WDR25: variants seen among roughly 807,000 people sequenced by gnomAD.
WDR25 encodes WD repeat domain 25, also known as WD repeat-containing protein 25.
A neutral mutation model predicts 47.7 loss-of-function variants in WDR25; 35 were observed. The ratio of observed to expected loss-of-function variants is 0.73; its 90% CI spans 0.56 to 0.97. The LOEUF (loss-of-function observed/expected upper bound fraction) is 0.97, where lower values mean the gene tolerates loss of function less well. Among genes scored for constraint, WDR25 ranks in the 50% least tolerant of loss-of-function variants. WDR25 has a pLI of 0.00. For synonymous variants in WDR25, 248 were observed against 278.9 expected (o/e 0.89, Z 1.10); for missense variants, 634 against 704.7 (o/e 0.90, Z 1.14).
At chr14:100,391,961 A>G (rs1265347702) in intron 2 of WDR25, among the ~76,000 whole-genome samples, 1 of 152,244 alleles carries the variant, frequency 6.6e-6, no homozygotes, top group African/African-American at 2.4e-5. Flanking sequence ...TTGAGAACCC[A>G]GCTGTCTTGT....
intron 2 of WDR25, among the ~76,000 whole-genome samples, chr14:100,466,125 A>G (rs935834647): frequency 2.6e-5 from 4 of 152,118 alleles, no homozygotes; most frequent in African/African-American, 9.7e-5. Flanking sequence ...TTCTTATTCC[A>G]CTTTGAAGTC....
chr14:100,449,025 G>A lies in WDR25; in HGVS notation c.823-18996G>A, dbSNP rs574654519. ...TAGAAAGTGGCGTGCAAGGACGATC[G>A]TGATGGGAGATGAGGCTGGGCAGGT... On this transcript the variant is annotated intron_variant, in intron 2 of 6. Coordinates refer to ENST00000402312, the MANE Select transcript of WDR25 (RefSeq NM_001161476.3). This position sits in a 1 kb window ranked among gnomAD's most constrained non-coding sequence, Gnocchi z 4.2. Among the ~76,000 whole-genome samples, 24 of 152,204 alleles carry A rather than the reference G, an allele frequency of 1.6e-4. No individual in the cohort carries two copies. The highest frequency in any genetic ancestry group is 1.0e-3 in the South Asian group (5 of 4,818).
chr14:100,467,045 T>C (rs1167512400), intron 2 of WDR25, among the ~76,000 whole-genome samples: 1 of 152,232 alleles, frequency 6.6e-6, no homozygotes, highest in Non-Finnish European at 1.5e-5. Flanking sequence ...CAGAAGTCAT[T>C]GAGTGTAACA....
chr14:100,520,953 T>C (rs2029870492), intron 4 of WDR25, among the ~76,000 whole-genome samples: 1 of 152,170 alleles, frequency 6.6e-6, no homozygotes, highest in Admixed American at 6.5e-5. Flanking sequence ...AATCAATACA[T>C]GGTTAATTTT....
At chr14:100,528,520 C>T (rs2030303262) in intron 5 of WDR25, among the ~76,000 whole-genome samples, 1 of 151,840 alleles carries the variant, frequency 6.6e-6, no homozygotes, top group Non-Finnish European at 1.5e-5. Flanking sequence ...ATCCGCCCGC[C>T]TCAGCATCCC....
chr14:100,439,346 A>G lies in WDR25; in HGVS notation c.823-28675A>G, dbSNP rs545544690. On this transcript the variant is annotated intron_variant, in intron 2 of 6. Transcript: ENST00000402312. ...TGCTTCAGCCCCCGGACTCCTGTGC[A>G]TCACAGAGCTGATTCAGTGCAGACA... Among the ~76,000 whole-genome samples, 8 of 152,334 alleles carry G rather than the reference A, an allele frequency of 5.3e-5. No homozygotes were observed. In the South Asian group the frequency reaches 1.7e-3, roughly 32 times the overall value.
rs916551836 is a variant in WDR25, at chr14:100,449,418, G to A, written c.823-18603G>A. On this transcript the variant is annotated intron_variant, in intron 2 of 6. Transcript: ENST00000402312. This position sits in a 1 kb window ranked among gnomAD's most constrained non-coding sequence, Gnocchi z 4.2. ...CGGTTGCCATGGCAGCAGGACATGAGCAACCTGACTTTCTGAGAGTGGTCA... is the reference window on the plus strand; with the variant it reads ...CGGTTGCCATGGCAGCAGGACATGAACAACCTGACTTTCTGAGAGTGGTCA... Among the ~76,000 whole-genome samples, 1 of 152,232 alleles carries A rather than the reference G, an allele frequency of 6.6e-6. No individual in the cohort carries two copies. The highest frequency in any genetic ancestry group is 2.4e-5 in the African/African-American group (1 of 41,466).
At chr14:100,415,175 G>A (rs988927175) in intron 2 of WDR25, among the ~76,000 whole-genome samples, 1 of 152,052 alleles carries the variant, frequency 6.6e-6, no homozygotes, top group Non-Finnish European at 1.5e-5. Context: ...AGGATGAGAT[G>A]GTGCTACTCA....
Position 100,381,368 on chromosome 14 carries a change from C to T in WDR25, c.444C>T (p.Phe148=). 1 of 1,614,246 alleles carries T rather than the reference C, an allele frequency of 6.2e-7. No homozygotes were observed. The highest frequency in any genetic ancestry group is 8.5e-7 in the Non-Finnish European group (1 of 1,180,036). ...CCAGGAACTTTCCCAAGTCATCTTT[C>T]CATGCTCAAAGTGAGTCTGAAACCG... The part of the protein sequence containing the change: ...KLSRNFPKSS[F]HAQSESETVG... Residue 148 remains phenylalanine (F), a synonymous_variant, in exon 2 of 7, where the codon TTC becomes TTT. Transcript: ENST00000402312.
intron 2 of WDR25, among the ~76,000 whole-genome samples, chr14:100,455,792 C>T (rs146400434): frequency 1.3e-5 from 2 of 152,174 alleles, no homozygotes; most frequent in Non-Finnish European, 2.9e-5. Context: ...AAAGTTCATA[C>T]TTATAGTGAA....
chr14:100,465,786 G>T (rs1899609700), intron 2 of WDR25, among the ~76,000 whole-genome samples: 1 of 152,182 alleles, frequency 6.6e-6, no homozygotes, highest in African/African-American at 2.4e-5. Context: ...CCATCATGCT[G>T]TTTTTCACAG....
intron 2 of WDR25, among the ~76,000 whole-genome samples, chr14:100,431,830 C>T (rs1356832944): frequency 6.6e-6 from 1 of 152,128 alleles, no homozygotes; most frequent in Non-Finnish European, 1.5e-5. Flanking sequence ...TTGCCTCAGC[C>T]TCCCAAGTAG....
intron 2 of WDR25, among the ~76,000 whole-genome samples, chr14:100,403,301 C>T (rs376685118): frequency 5.9e-5 from 9 of 152,198 alleles, no homozygotes; most frequent in South Asian, 2.1e-4. Context: ...GGAAGCAAAG[C>T]GGGCCTGGGC....
At chr14:100,467,489 T>A (rs1291866981) in intron 2 of WDR25, among the ~76,000 whole-genome samples, 1 of 152,248 alleles carries the variant, frequency 6.6e-6, no homozygotes, top group South Asian at 2.1e-4. Flanking sequence ...GACACAGGAA[T>A]GCGTTTTCTT....
rs1391658612 is a variant in WDR25 at position 100,392,085 on chromosome 14, A to T, written c.822+10339A>T. On this transcript the variant is annotated intron_variant, in intron 2 of 6. Transcript: ENST00000402312. The surrounding 1 kb of genome is among the most constrained non-coding windows in gnomAD (Gnocchi z 4.2). ...ATAAGAATGTGCTATTTCTGTTAAC[A>T]TGTGGGGGGTTTGTTACTGTTACTT... Among the ~76,000 whole-genome samples, 1 of 151,108 alleles carries T rather than the reference A, an allele frequency of 6.6e-6. No homozygotes were observed. Among genetic ancestry groups the T allele is most frequent in the East Asian group, 1.9e-4 (1 of 5,192 alleles).
At chr14:100,390,403 G>GTGTGTGTGTT (rs1897115969) in intron 2 of WDR25, among the ~76,000 whole-genome samples, 1 of 151,508 alleles carries the variant, frequency 6.6e-6, no homozygotes, top group Non-Finnish European at 1.5e-5. Flanking sequence ...GTGTGTGTGT[G>GTGTGTGTGTT]TGTGTGTGTG....
intron 2 of WDR25, among the ~76,000 whole-genome samples, chr14:100,423,790 G>A (rs1019574447): frequency 2.1e-4 from 32 of 152,220 alleles, no homozygotes; most frequent in African/African-American, 7.0e-4. Flanking sequence ...CCTGTGCTGC[G>A]GAAATGAGAT....
intron 3 of WDR25, among the ~76,000 whole-genome samples, chr14:100,483,438 G>C (rs957164097): frequency 2.6e-5 from 4 of 152,148 alleles, no homozygotes; most frequent in African/African-American, 9.7e-5. Flanking sequence ...GGGCCACCAT[G>C]ATGGCCACTC....
In WDR25 at chr14:100,424,477, G is replaced by A. The variant is rs1270700358; in HGVS notation, c.822+42731G>A. On this transcript the variant is annotated intron_variant, in intron 2 of 6. Transcript: ENST00000402312. The surrounding 1 kb of genome is among the most constrained non-coding windows in gnomAD (Gnocchi z 4.2). ...CCGCCACTGACCCCAGGGCTTTCTT[G>A]TATCAAGAGGAACAAAATGGCATGA... Among the ~76,000 whole-genome samples the A allele has an allele frequency of 6.6e-6, 1 of 152,232 alleles. No individual in the cohort carries two copies. The highest frequency in any genetic ancestry group is 2.4e-5 in the African/African-American group (1 of 41,458).
Sources: gnomAD v4.1 joint callset for allele counts (sites outside exome capture counted in the v4.1 genomes callset) on GRCh38, gnomAD v4.1.1 for gene constraint, Gnocchi (gnomAD v3.1) non-coding constraint, MANE v1.5 for transcripts, NCBI Gene and HGNC (gene_info 2026-07-23, HGNC 2026-07-21) for gene names.